Variants in RBM6 observed in about 807,000 individuals in gnomAD.
RBM6 encodes the protein RNA-binding protein 6.
Under a neutral mutation model 140.4 loss-of-function variants are expected in RBM6, and 23 were observed. The observed-to-expected ratio is 0.16, with a 90% CI of 0.12 to 0.23. The LOEUF is 0.23. RBM6 is among the 10% of genes least tolerant of loss of function. RBM6 has a pLI of 1.00. For missense variants in RBM6, 1,139 were observed against 1,386.7 expected (o/e 0.82, Z 2.84); for synonymous variants, 439 against 475.6 (o/e 0.92, Z 1.00).
At chr3:50,000,891 G>C (rs2086297117) in intron 6 of RBM6, among the ~76,000 whole-genome samples, 1 of 152,146 alleles carries the variant, frequency 6.6e-6, no homozygotes, top group African/African-American at 2.4e-5. Context: ...GAGATGACAT[G>C]CTCTAAATGC....
intron 4 of RBM6, among the ~76,000 whole-genome samples, chr3:49,973,021 G>A (rs2084875174): frequency 6.6e-6 from 1 of 152,106 alleles, no homozygotes; most frequent in Non-Finnish European, 1.5e-5. Context: ...AGTAGAGACG[G>A]AGTTTCACCA....
At chr3:50,030,130 T>C (rs1205870203) in intron 6 of RBM6, among the ~76,000 whole-genome samples, 1 of 150,396 alleles carries the variant, frequency 6.6e-6, no homozygotes, top group Non-Finnish European at 1.5e-5. Flanking sequence ...ATATAAAAGC[T>C]GGGCATGGGG....
At chr3:49,945,175 A>AGT (rs1262007745) in intron 1 of RBM6, among the ~76,000 whole-genome samples, 4 of 106,704 alleles carry the variant, frequency 3.7e-5, no homozygotes, top group Admixed American at 2.8e-4. Context: ...GCGCCCGGCC[A>AGT]ATTTTTTTTT....
intron 5 of RBM6, among the ~76,000 whole-genome samples, chr3:49,976,978 G>C (rs1194446584): frequency 6.6e-6 from 1 of 152,142 alleles, no homozygotes; most frequent in Non-Finnish European, 1.5e-5. Context: ...TTTAGTGAAA[G>C]AATTGGATTG....
At chr3:50,076,215 C>T (rs2090455047) in intron 20 of RBM6, among the ~76,000 whole-genome samples, 1 of 151,826 alleles carries the variant, frequency 6.6e-6, no homozygotes, top group Non-Finnish European at 1.5e-5. Flanking sequence ...GTGATCCGCC[C>T]ACCTCAGCCT....
chr3:50,077,188 C>G lies in RBM6; in HGVS notation c.*55C>G. 17 of 1,537,222 alleles carry G rather than the reference C, an allele frequency of 1.1e-5. No homozygotes were observed. The highest frequency in any genetic ancestry group is 2.4e-5 in the East Asian group (1 of 41,894). ...CTCCCTCTTGTTTTGTTTGTCTCTC[C>G]TTTTCTTTTGTTACTGTTCTTGCTG... On this transcript the variant is annotated 3_prime_UTR_variant, in exon 21 of 21. Transcript: ENST00000266022.
At chr3:49,957,355 A>T (rs971730714) in intron 1 of RBM6, among the ~76,000 whole-genome samples, 1 of 150,824 alleles carries the variant, frequency 6.6e-6, no homozygotes, top group African/African-American at 2.4e-5. Flanking sequence ...TATATGGCCA[A>T]TGGTGGTTTC....
At chr3:49,959,179 A>AT (rs912883646) in intron 1 of RBM6, among the ~76,000 whole-genome samples, 2 of 132,442 alleles carry the variant, frequency 1.5e-5, no homozygotes, top group African/African-American at 5.7e-5. Flanking sequence ...GAATGTCTTG[A>AT]TTTTTTTCCT....
chr3:49,949,107 G>C (rs949299505), intron 1 of RBM6, among the ~76,000 whole-genome samples: 4 of 151,718 alleles, frequency 2.6e-5, no homozygotes, highest in African/African-American at 9.7e-5. Flanking sequence ...GGGACTACAG[G>C]TGTGAGCCAC....
At chr3:49,942,908 C>G (rs1242174135) in intron 1 of RBM6, among the ~76,000 whole-genome samples, 1 of 152,128 alleles carries the variant, frequency 6.6e-6, no homozygotes, top group Non-Finnish European at 1.5e-5. Flanking sequence ...AGTTAACTTC[C>G]CATTTCCTCC....
chr3:49,995,894 T>C (rs2086062401), intron 5 of RBM6, among the ~76,000 whole-genome samples: 2 of 152,170 alleles, frequency 1.3e-5, no homozygotes, highest in Admixed American at 1.3e-4. Flanking sequence ...AAAATTACAT[T>C]TGGGAAATAA....
intron 1 of RBM6, among the ~76,000 whole-genome samples, chr3:49,946,806 A>G (rs2083506260): frequency 1.3e-5 from 2 of 149,370 alleles, no homozygotes; most frequent in Non-Finnish European, 1.5e-5. Flanking sequence ...AGGTGCTGGG[A>G]TTACAGGTGT....
At chr3:49,955,048 C>T (rs937509712) in intron 1 of RBM6, among the ~76,000 whole-genome samples, 4 of 152,056 alleles carry the variant, frequency 2.6e-5, no homozygotes, top group Non-Finnish European at 4.4e-5. Flanking sequence ...CGTGAGCCAC[C>T]GCACCCGGCC....
At chr3:49,976,519 T>A (rs892979259) in intron 5 of RBM6, among the ~76,000 whole-genome samples, 1 of 152,222 alleles carries the variant, frequency 6.6e-6, no homozygotes, top group Admixed American at 6.5e-5. Flanking sequence ...ATCTCACTTA[T>A]GTTGGTTATA....
In RBM6 at chr3:50,065,140, T is replaced by C. The variant is rs758917890; in HGVS notation, c.2682+14T>C. 11 of 1,588,144 alleles carry C rather than the reference T, an allele frequency of 6.9e-6. No individual in the cohort carries two copies. Among genetic ancestry groups the C allele is most frequent in the Non-Finnish European group, 9.5e-6 (11 of 1,159,128 alleles). Reference sequence around the variant, plus strand: ...AGTCCCCCTCCAGTAAGACCAACATTGATCCCCTGGACCTAGGGCTGGGGC... The same window carrying C: ...AGTCCCCCTCCAGTAAGACCAACATCGATCCCCTGGACCTAGGGCTGGGGC... On this transcript the variant is annotated intron_variant, in intron 16 of 20. Coordinates refer to ENST00000266022, the MANE Select transcript of RBM6 (RefSeq NM_005777.3).
At chr3:50,057,276 A>G (rs1328373828) in intron 8 of RBM6, among the ~76,000 whole-genome samples, 2 of 152,092 alleles carry the variant, frequency 1.3e-5, no homozygotes, top group Admixed American at 6.6e-5. Context: ...TTTATTAGAT[A>G]TTTCTGAGAT....
At chr3:49,949,104 C>T (rs916497668) in intron 1 of RBM6, among the ~76,000 whole-genome samples, 2 of 151,844 alleles carry the variant, frequency 1.3e-5, no homozygotes, top group African/African-American at 4.8e-5. Flanking sequence ...GCTGGGACTA[C>T]AGGTGTGAGC....
chr3:49,962,646 G>T lies in RBM6; in HGVS notation c.5G>T (p.Trp2Leu), dbSNP rs757286003. The T allele has an allele frequency of 2.5e-6, 4 of 1,584,694 alleles. No individual in the cohort carries two copies. In the African/African-American group the frequency reaches 4.1e-5, roughly 16 times the overall value. Residue 2 changes from tryptophan (W) to leucine (L), a missense_variant, in exon 2 of 21, where the codon TGG (tryptophan) becomes TTG (leucine). By Grantham distance (61) the Trp-to-Leu change is moderately conservative (BLOSUM62 -2). Transcript: ENST00000266022. M[W>L]GDSRPANRTG... ...GGGCCCTCTTGATAAAAAGAGATGT[G>T]GGGGGATTCTCGACCTGCTAACAGA...
At chr3:50,026,327 C>T (rs927666670) in intron 6 of RBM6, among the ~76,000 whole-genome samples, 2 of 151,378 alleles carry the variant, frequency 1.3e-5, no homozygotes, top group Non-Finnish European at 2.9e-5. Flanking sequence ...AAGGGATCAA[C>T]CTGCTTTGGT....
Sources: allele counts gnomAD v4.1 joint callset (sites outside exome capture counted in the v4.1 genomes callset), GRCh38; gene constraint gnomAD v4.1.1; transcripts MANE v1.5; gene names NCBI Gene and HGNC (gene_info 2026-07-23, HGNC 2026-07-21).